Variants in FIGN observed in about 807,000 individuals in gnomAD.
FIGN encodes the protein fidgetin.
Under a neutral mutation model 51.3 loss-of-function variants are expected in FIGN, and 11 were observed. The observed-to-expected ratio is 0.21, with a 90% CI of 0.13 to 0.35. FIGN has a LOEUF of 0.35. Among genes scored for constraint, FIGN ranks in the 10% least tolerant of loss-of-function variants. The pLI, the probability that FIGN is intolerant of heterozygous loss-of-function variation, is 1.00. For synonymous variants in FIGN, 407 were observed against 363.2 expected, an observed-to-expected ratio of 1.12 and a Z score of -1.37; for missense variants, 857 against 943.6, an observed-to-expected ratio of 0.91 and a Z score of 1.20.
chr2:163,671,590 A>G (rs532802870), intron 2 of FIGN, among the ~76,000 whole-genome samples: 2 of 152,258 alleles, frequency 1.3e-5, no homozygotes, highest in Non-Finnish European at 2.9e-5. Context: ...AACTCACAAA[A>G]TTACCCATGT....
At chr2:163,661,841 T>C (rs540307350) in intron 2 of FIGN, among the ~76,000 whole-genome samples, 59 of 152,274 alleles carry the variant, frequency 3.9e-4, no homozygotes, top group Non-Finnish European at 7.6e-4. Context: ...TTTCGCCTCC[T>C]GCCATGATTC....
chr2:163,692,459 GC>G (rs1684252999), intron 2 of FIGN, among the ~76,000 whole-genome samples: 1 of 152,166 alleles, frequency 6.6e-6, no homozygotes, highest in Non-Finnish European at 1.5e-5. Context: ...CTATTTTTAT[GC>G]ATGGCAAAGA....
chr2:163,659,481 T>G (rs1361039701), intron 2 of FIGN, among the ~76,000 whole-genome samples: 1 of 152,130 alleles, frequency 6.6e-6, no homozygotes, highest in Non-Finnish European at 1.5e-5. Context: ...CAGATACTCA[T>G]GGGCAGATAG....
intron 2 of FIGN, among the ~76,000 whole-genome samples, chr2:163,615,963 C>T (rs919295689): frequency 1.3e-5 from 2 of 152,066 alleles, no homozygotes; most frequent in Admixed American, 6.6e-5. Flanking sequence ...TAGAAAATTG[C>T]TTTTAAGATA....
At chr2:163,705,941 C>T (rs2105353647) in intron 2 of FIGN, among the ~76,000 whole-genome samples, 1 of 152,166 alleles carries the variant, frequency 6.6e-6, no homozygotes, top group African/African-American at 2.4e-5. Context: ...AATATATGTC[C>T]ATTTCTCTTC....
chr2:163,675,616 T>G (rs189564125), intron 2 of FIGN, among the ~76,000 whole-genome samples: 1 of 152,096 alleles, frequency 6.6e-6, no homozygotes, highest in Non-Finnish European at 1.5e-5. Context: ...GATATCTGCA[T>G]GTGCGCATGC....
At chr2:163,638,426 A>C (rs1209754999) in intron 2 of FIGN, among the ~76,000 whole-genome samples, 1 of 152,118 alleles carries the variant, frequency 6.6e-6, no homozygotes, top group Non-Finnish European at 1.5e-5. Flanking sequence ...AGAAAGGTAA[A>C]TTCCAAAACA....
chr2:163,680,444 C>A (rs895777872), intron 2 of FIGN, among the ~76,000 whole-genome samples: 1 of 152,110 alleles, frequency 6.6e-6, no homozygotes, highest in African/African-American at 2.4e-5. Flanking sequence ...TCTGAGACAG[C>A]CTCAATTCTC....
chr2:163,646,519 A>G (rs1165787419), intron 2 of FIGN, among the ~76,000 whole-genome samples: 1 of 152,142 alleles, frequency 6.6e-6, no homozygotes, highest in Non-Finnish European at 1.5e-5. Context: ...AAATCTCAAG[A>G]TTTTACCTGA....
chr2:163,619,937 A>C (rs933765532), intron 2 of FIGN, among the ~76,000 whole-genome samples: 1 of 152,104 alleles, frequency 6.6e-6, no homozygotes, highest in African/African-American at 2.4e-5. Context: ...GGTTTTGTAA[A>C]TGTTTCTGTG....
intron 2 of FIGN, among the ~76,000 whole-genome samples, chr2:163,676,305 T>C (rs1024910890): frequency 6.6e-6 from 1 of 150,978 alleles, no homozygotes; most frequent in Non-Finnish European, 1.5e-5. Context: ...AAAATTAGAG[T>C]TCTTCTATAA....
intron 2 of FIGN, among the ~76,000 whole-genome samples, chr2:163,661,927 T>C (rs571530053): frequency 6.6e-6 from 1 of 152,280 alleles, no homozygotes; most frequent in African/African-American, 2.4e-5. Flanking sequence ...TATGTCTTTA[T>C]CAGCAGCATG....
rs1691210119 is a variant in FIGN at position 163,610,251 on chromosome 2, A to T, written c.1581T>A (p.Pro527=). 6.2e-7 allele frequency: 1 copy of T among 1,613,986 alleles called. No homozygotes were observed. The highest frequency in any genetic ancestry group is 1.7e-5 in the Admixed American group (1 of 59,996). Residue 527 remains proline, a synonymous_variant, in exon 3 of 3, where the codon CCT becomes CCA. Coordinates refer to ENST00000333129, the MANE Select transcript of FIGN (RefSeq NM_018086.4). ...ALPRSILLFG[P]RGTGKTLLGR... ...CCAATAATGTTTTGCCTGTCCCCCG[A>T]GGTCCAAATAAAAGGATGCTCCGAG... is the stretch of plus-strand genomic sequence containing the variant.
At chr2:163,628,395 A>T (rs1023353308) in intron 2 of FIGN, among the ~76,000 whole-genome samples, 1 of 152,146 alleles carries the variant, frequency 6.6e-6, no homozygotes, top group Admixed American at 6.6e-5. Flanking sequence ...CAGGTTCTGG[A>T]AGCAGAGTGG....
chr2:163,673,497 A>G (rs930944878), intron 2 of FIGN, among the ~76,000 whole-genome samples: 16 of 152,116 alleles, frequency 1.1e-4, no homozygotes, highest in Admixed American at 1.0e-3. Flanking sequence ...ATTACTATGC[A>G]TTTCCCAAGG....
rs372801286 is a variant in FIGN, at chr2:163,654,582, T to C, written c.26-42776A>G. ...ATTTAACTTGTAAGCACCAATAAGATCAGGATGAAATGGATTGGGATGTTT... is the reference window on the plus strand; with the variant it reads ...ATTTAACTTGTAAGCACCAATAAGACCAGGATGAAATGGATTGGGATGTTT... On this transcript the variant is annotated intron_variant, in intron 2 of 2. Transcript: ENST00000333129. 2.0e-4 allele frequency among the ~76,000 whole-genome samples: 31 copies of C among 152,146 alleles called. No homozygotes were observed. The East Asian group carries it at 6.0e-3, about 29-fold the overall frequency.
chr2:163,681,542 C>T (rs75035480), intron 2 of FIGN, among the ~76,000 whole-genome samples: 4,658 of 152,154 alleles, frequency 0.031, 293 homozygotes, highest in East Asian at 0.29. Flanking sequence ...GAGACCCCAT[C>T]TCTTAAAAAG....
intron 2 of FIGN, among the ~76,000 whole-genome samples, chr2:163,675,408 A>G (rs965300598): frequency 6.6e-6 from 1 of 152,238 alleles, no homozygotes; most frequent in African/African-American, 2.4e-5. Context: ...AGTGATTCTT[A>G]AAGTGTAGTC....
chr2:163,670,121 A>C (rs985594581), intron 2 of FIGN, among the ~76,000 whole-genome samples: 5 of 152,208 alleles, frequency 3.3e-5, no homozygotes, highest in African/African-American at 7.2e-5. Context: ...GCAAAACTAG[A>C]GTGATCTGCT....
Sources: gnomAD v4.1 joint callset for allele counts (sites outside exome capture counted in the v4.1 genomes callset) on GRCh38, gnomAD v4.1.1 for gene constraint, MANE v1.5 for transcripts, NCBI Gene and HGNC (gene_info 2026-07-23, HGNC 2026-07-21) for gene names.